TRAP1: variants seen among roughly 807,000 people sequenced by gnomAD.
TRAP1 encodes TNF receptor associated protein 1.
In TRAP1, 102 loss-of-function variants were observed where a neutral mutation model predicts 89.1. That is an observed-to-expected ratio of 1.15 (90% CI 0.98 to 1.35). The LOEUF (loss-of-function observed/expected upper bound fraction) is 1.35, where lower values mean the gene tolerates loss of function less well. Among genes scored for constraint, TRAP1 ranks in the 40% most tolerant of loss-of-function variants. The pLI is 0.00. For missense variants in TRAP1, 1,256 were observed against 945.3 expected, an observed-to-expected ratio of 1.33 and a Z score of -4.31; for synonymous variants, 508 against 388.0, an observed-to-expected ratio of 1.31 and a Z score of -3.64.
chr16:3,672,826 G>A lies in TRAP1; in HGVS notation c.1045-6C>T, dbSNP rs138917939. 2,126 of 1,611,554 alleles carry A rather than the reference G, an allele frequency of 1.3e-3. 23 individuals are homozygous for A. In the African/African-American group the frequency reaches 0.025, roughly 19 times the overall value. ...ACATCAAACATGGACGGTTTCTGGG[G>A]GTGAGGAGAACACGCCATCATGCAG... On this transcript the variant is annotated splice_region_variant and splice_polypyrimidine_tract_variant and intron_variant, in intron 9 of 17. Coordinates refer to ENST00000246957, the MANE Select transcript of TRAP1 (RefSeq NM_016292.3).
intron 4 of TRAP1, among the ~76,000 whole-genome samples, chr16:3,680,986 G>C (rs1037493416): frequency 6.6e-6 from 1 of 152,130 alleles, no homozygotes; most frequent in African/African-American, 2.4e-5. Flanking sequence ...ATAGCAGCCT[G>C]AATCACAATA....
intron 1 of TRAP1, among the ~76,000 whole-genome samples, chr16:3,701,619 T>G (rs2051366531): frequency 6.6e-6 from 1 of 151,186 alleles, no homozygotes; most frequent in African/African-American, 2.4e-5. Flanking sequence ...TGAACGGCAT[T>G]TCACAGTGGC....
chr16:3,681,648 A>G (rs1220168802), intron 4 of TRAP1, among the ~76,000 whole-genome samples: 1 of 152,232 alleles, frequency 6.6e-6, no homozygotes, highest in Non-Finnish European at 1.5e-5. Context: ...TATCTAGTTG[A>G]TATCAGTCAT....
intron 1 of TRAP1, among the ~76,000 whole-genome samples, chr16:3,715,528 T>G (rs180974787): frequency 2.0e-5 from 3 of 152,070 alleles, no homozygotes; most frequent in Non-Finnish European, 4.4e-5. Flanking sequence ...GAAGGGACAG[T>G]GCATGATACA....
chr16:3,702,610 G>A, intron 1 of TRAP1, among the ~76,000 whole-genome samples: 1 of 151,578 alleles, frequency 6.6e-6, no homozygotes, highest in Non-Finnish European at 1.5e-5. Flanking sequence ...TGGACATGGT[G>A]ACACGCACCT....
chr16:3,670,485 G>A (rs768493832), intron 11 of TRAP1, among the ~76,000 whole-genome samples: 1 of 150,984 alleles, frequency 6.6e-6, no homozygotes, highest in Non-Finnish European at 1.5e-5. Context: ...AGGATCGCTT[G>A]AGCCCAGGAG....
chr16:3,679,685 G>A (rs751336670), intron 5 of TRAP1, 34 bp downstream of exon 5: 7 of 1,612,106 alleles, frequency 4.3e-6, no homozygotes, highest in Non-Finnish European at 5.1e-6. Context: ...ACCCTGAGGG[G>A]AAGGGGGAGG....
intron 8 of TRAP1, 92 bp downstream of exon 8, chr16:3,675,232 C>T (rs764489715): frequency 6.0e-5 from 77 of 1,281,116 alleles, no homozygotes; most frequent in Middle Eastern, 5.7e-4. Context: ...GACTCTGGGC[C>T]GCATCCCCTG....
At chr16:3,669,801 C>A (rs1389448417) in intron 11 of TRAP1, among the ~76,000 whole-genome samples, 1 of 146,856 alleles carries the variant, frequency 6.8e-6, no homozygotes, top group African/African-American at 2.5e-5. Context: ...CCACTGCACT[C>A]CAGCCTGGGC....
intron 3 of TRAP1, 138 bp from the exon 4 acceptor site, chr16:3,686,274 T>A: frequency 9.3e-7 from 1 of 1,072,400 alleles, no homozygotes; most frequent in Non-Finnish European, 1.3e-6. Context: ...GTTTCTGCTT[T>A]AGTCAAAGGC....
intron 13 of TRAP1, 181 bp from the exon 14 acceptor site, chr16:3,663,743 T>G: frequency 1.4e-6 from 1 of 701,642 alleles, no homozygotes; most frequent in Non-Finnish European, 2.3e-6. Flanking sequence ...AGGAAGGCTC[T>G]GACTGCCTTC....
chr16:3,686,060 T>A lies in TRAP1; in HGVS notation c.407A>T (p.Gln136Leu). ...GTGAATCTCCATTTCTGGCAGTGCT[T>A]GGCCGTCAGACACCAGTTTGTGACG... ...KLRHKLVSDGQALPEMEIHLQ... is the reference protein window; with the variant it reads ...KLRHKLVSDGLALPEMEIHLQ... The change falls in exon 4 of 18, where the codon CAA becomes CTA. Residue 136 changes from glutamine (Q) to leucine (L), a missense_variant. Physicochemically the swap from Gln to Leu is moderately radical, Grantham distance 113 (BLOSUM62 -2). Coordinates refer to ENST00000246957, the MANE Select transcript of TRAP1 (RefSeq NM_016292.3). The A allele has an allele frequency of 6.2e-7, 1 of 1,614,086 alleles. No homozygotes were observed. The highest frequency in any genetic ancestry group is 8.5e-7 in the Non-Finnish European group (1 of 1,180,006).
intron 1 of TRAP1, among the ~76,000 whole-genome samples, chr16:3,705,907 G>A (rs1331662031): frequency 4.0e-5 from 6 of 151,524 alleles, no homozygotes; most frequent in Non-Finnish European, 8.8e-5. Context: ...TGGTCAGGCT[G>A]GTCTCAAACT....
chr16:3,687,872 A>C (rs1263903120), intron 3 of TRAP1, among the ~76,000 whole-genome samples: 2 of 151,344 alleles, frequency 1.3e-5, no homozygotes, highest in Non-Finnish European at 2.9e-5. Flanking sequence ...CCAAAAAAAA[A>C]AAAAACAAAA....
chr16:3,683,784 T>C (rs1596724923), intron 4 of TRAP1, among the ~76,000 whole-genome samples: 1 of 150,536 alleles, frequency 6.6e-6, no homozygotes, highest in East Asian at 1.9e-4. Context: ...TTCTAAAATA[T>C]TTACTAAAAA....
intron 1 of TRAP1, among the ~76,000 whole-genome samples, chr16:3,692,251 C>T (rs2051224287): frequency 6.6e-6 from 1 of 152,162 alleles, no homozygotes; most frequent in African/African-American, 2.4e-5. Context: ...ATCAGCATAT[C>T]AGCCAGGGGT....
chr16:3,672,128 G>C (rs1489659273), intron 10 of TRAP1, among the ~76,000 whole-genome samples: 1 of 152,202 alleles, frequency 6.6e-6, no homozygotes, highest in Non-Finnish European at 1.5e-5. Flanking sequence ...ATGAGGTCAG[G>C]AGTTCGAGAC....
At chr16:3,701,814 C>G (rs1042620291) in intron 1 of TRAP1, among the ~76,000 whole-genome samples, 5 of 152,158 alleles carry the variant, frequency 3.3e-5, no homozygotes, top group Non-Finnish European at 7.4e-5. Context: ...ATGAAGACAG[C>G]AGGTGCTCTG....
chr16:3,706,817 T>C (rs1482670028), intron 1 of TRAP1, among the ~76,000 whole-genome samples: 2 of 152,112 alleles, frequency 1.3e-5, no homozygotes, highest in Non-Finnish European at 2.9e-5. Flanking sequence ...TTATTATGAA[T>C]AATGCTGCTA....
Sources: allele counts gnomAD v4.1 joint callset (sites outside exome capture counted in the v4.1 genomes callset), GRCh38; gene constraint gnomAD v4.1.1; transcripts MANE v1.5; gene names NCBI Gene and HGNC (gene_info 2026-07-23, HGNC 2026-07-21).